The following PCM1 variants were observed in gnomAD, a reference collection of about 807,000 sequenced individuals.
PCM1 encodes pericentriolar material 1.
PCM1 carries 157 observed loss-of-function variants against 241.9 expected under a neutral mutation model. The observed-to-expected ratio is 0.65, with a 90% CI of 0.57 to 0.74. The LOEUF is 0.74. Among genes scored for constraint, PCM1 ranks in the 30% least tolerant of loss-of-function variants. PCM1 has a pLI of 0.00. For missense variants in PCM1, 3,478 were observed against 2,360.1 expected, an observed-to-expected ratio of 1.47 and a Z score of -9.81; for synonymous variants, 1,085 against 784.9, an observed-to-expected ratio of 1.38 and a Z score of -6.39.
intron 23 of PCM1, among the ~76,000 whole-genome samples, chr8:17,973,719 A>C (rs78936912): frequency 1.4e-5 from 2 of 138,840 alleles, no homozygotes; most frequent in Non-Finnish European, 3.1e-5. Context: ...CTCTGTCAGA[A>C]AAAAAAAAAA....
chr8:17,985,657 T>G, intron 25 of PCM1, 38 bp downstream of exon 25: 1 of 1,443,652 alleles, frequency 6.9e-7, no homozygotes, highest in Non-Finnish European at 9.6e-7. Context: ...TACCCTATTA[T>G]CACCTTCTTC....
At chr8:17,940,094 C>G (rs1250759222) in intron 6 of PCM1, 2 of 1,581,040 alleles carry the variant, frequency 1.3e-6, no homozygotes, top group Non-Finnish European at 1.7e-6. Flanking sequence ...GCTGTGGGAT[C>G]TGGTTCTGTA....
At chr8:17,929,049 T>C (rs2058122229) in intron 2 of PCM1, among the ~76,000 whole-genome samples, 1 of 152,192 alleles carries the variant, frequency 6.6e-6, no homozygotes, top group Non-Finnish European at 1.5e-5. Context: ...CTTAAAAATA[T>C]TAGCTAATGA....
In PCM1 at chr8:18,025,405, T is replaced by A. The variant is rs772037929; in HGVS notation, c.5886T>A (p.Asp1962Glu). 1.2e-6 allele frequency: 2 copies of A among 1,605,644 alleles called. No individual in the cohort carries two copies. Among genetic ancestry groups the A allele is most frequent in the Non-Finnish European group, 1.7e-6 (2 of 1,174,914 alleles). ...GNISQKSDEE[D>E]FVKVEDLPLK... ...TAAGTCAAAAGTCTGATGAAGAAGA[T>A]TTTGTAAAAGTTGAAGATTTACCAC... Residue 1962 changes from aspartate (D) to glutamate (E), a missense_variant, in exon 37 of 39, where the codon GAT (aspartate) becomes GAA (glutamate). Transcript: ENST00000325083.
chr8:17,996,727 C>T (rs981750578), intron 29 of PCM1, among the ~76,000 whole-genome samples: 10 of 152,148 alleles, frequency 6.6e-5, no homozygotes, highest in African/African-American at 2.2e-4. Context: ...ATTGCAAATA[C>T]TGTCTTATAA....
chr8:18,013,954 TC>T lies in PCM1; in HGVS notation c.5512-7del. On this transcript the variant is annotated splice_polypyrimidine_tract_variant and intron_variant, in intron 34 of 38. Transcript: ENST00000325083. ...TCAGGCCCTGCTATTAAAACATTTT[TC>T]CCTTCTAGGTCCTACAACGTGACTT... is the stretch of plus-strand genomic sequence containing the variant. 2 of 1,571,748 alleles carry T rather than the reference TC, an allele frequency of 1.3e-6. No homozygotes were observed. The highest frequency in any genetic ancestry group is 1.7e-6 in the Non-Finnish European group (2 of 1,151,778).
Position 17,957,604 on chromosome 8 carries a change from G to C in PCM1, c.1869G>C (p.Glu623Asp), listed in dbSNP as rs199550663. The C allele has an allele frequency of 1.7e-4, 270 of 1,574,828 alleles. 1 individual carries two copies. Among genetic ancestry groups the C allele is most frequent in the Non-Finnish European group, 2.2e-4 (259 of 1,158,956 alleles). ...TTGCACAAGGTGAAGATGATGAGGA[G>C]GAGGAGGAAGAAGCAGAAGAGGAGG... The part of the protein sequence containing the change: ...IHVAQGEDDE[E>D]EEEEAEEEGV... Residue 623 changes from glutamate (E) to aspartate (D), a missense_variant, in exon 13 of 39, where the codon GAG (glutamate) becomes GAC (aspartate). Transcript: ENST00000325083.
At chr8:17,926,329 G>C (rs182967743) in intron 2 of PCM1, 2 of 152,290 alleles carry the variant, frequency 1.3e-5, no homozygotes, top group East Asian at 1.9e-4. Flanking sequence ...GTAAGGCTGT[G>C]AGATTCACAG....
Position 17,972,461 on chromosome 8 carries a change from C to T in PCM1, c.3717C>T (p.Asn1239=). 1 of 1,613,552 alleles carries T rather than the reference C, an allele frequency of 6.2e-7. No homozygotes were observed. Residue 1239 remains asparagine (N), a synonymous_variant, in exon 23 of 39, where the codon AAC becomes AAT. Coordinates refer to ENST00000325083, the MANE Select transcript of PCM1 (RefSeq NM_006197.4). ...SVSVEKSTSS[N]RKNQLDTNGR... is the part of the protein sequence containing the mutation. ...CTGTAGAAAAATCTACAAGTAGTAA[C>T]CGCAAAAATCAATTAGATACAAACG... is the stretch of plus-strand genomic sequence containing the variant.
chr8:17,999,969 C>G (rs558548470), intron 29 of PCM1, among the ~76,000 whole-genome samples: 1 of 152,240 alleles, frequency 6.6e-6, no homozygotes, highest in East Asian at 1.9e-4. Flanking sequence ...AGTGGGAATA[C>G]ACTCTGAAAT....
Position 17,937,376 on chromosome 8 carries a change from T to C in PCM1, c.339T>C (p.Asp113=). 6.3e-7 allele frequency: 1 copy of C among 1,584,970 alleles called. No homozygotes were observed. The highest frequency in any genetic ancestry group is 8.6e-7 in the Non-Finnish European group (1 of 1,168,134). The change falls in exon 4 of 39, where the codon GAT becomes GAC. Residue 113 remains aspartate, a synonymous_variant. Transcript: ENST00000325083. ...AGCGGATAAACTTCAGTGATTTAGA[T>C]CAGGTTTGTGAATTATTTTTAAAAA... ...LKQRINFSDL[D]QRSIGSDSQG...
In PCM1 at chr8:17,952,841, C is replaced by T; in HGVS notation, c.1072-129C>T. Reference sequence around the variant, plus strand: ...AATTTGGGAATAGTAAGGGTATATACTTACCTACCAGCACAGCCTAGCAAA... The same window carrying T: ...AATTTGGGAATAGTAAGGGTATATATTTACCTACCAGCACAGCCTAGCAAA... On this transcript the variant is annotated intron_variant, in intron 8 of 38. Transcript: ENST00000325083. 4 of 623,590 alleles carry T rather than the reference C, an allele frequency of 6.4e-6. 1 individual carries two copies. In the South Asian group the frequency reaches 8.7e-5, roughly 14 times the overall value. 38.6% of individuals were successfully genotyped at this position (623,590 alleles called of 1,614,324 possible).
At chr8:17,941,200 T>G (rs894707700) in intron 6 of PCM1, among the ~76,000 whole-genome samples, 6 of 152,178 alleles carry the variant, frequency 3.9e-5, no homozygotes, top group Non-Finnish European at 7.3e-5. Flanking sequence ...AATTTCTTCC[T>G]TAGGTTCCAG....
chr8:17,982,934 GTCT>G lies in PCM1; in HGVS notation c.4108+2186_4108+2188del, dbSNP rs2081381753. Among the ~76,000 whole-genome samples the G allele has an allele frequency of 2.6e-5, 4 of 152,170 alleles. No homozygotes were observed. The South Asian group carries it at 6.2e-4, about 24-fold the overall frequency. On this transcript the variant is annotated intron_variant, in intron 24 of 38. Coordinates refer to ENST00000325083, the MANE Select transcript of PCM1 (RefSeq NM_006197.4). ...AGGACTGCTAGTATTAAATTACGCAGTCTTCTTCTCCCGTGGGTGTTGTGGGAG... is the reference window on the plus strand; with the variant it reads ...AGGACTGCTAGTATTAAATTACGCAGTCTTCTCCCGTGGGTGTTGTGGGAG...
At chr8:17,962,696 C>G (rs555974475) in intron 16 of PCM1, among the ~76,000 whole-genome samples, 32 of 152,058 alleles carry the variant, frequency 2.1e-4, no homozygotes, top group African/African-American at 7.2e-4. Flanking sequence ...GTCAGGTATT[C>G]AAGACCAGCC....
chr8:17,945,296 G>A (rs116989710), intron 6 of PCM1, among the ~76,000 whole-genome samples: 2,562 of 152,184 alleles, frequency 0.017, 40 homozygotes, highest in South Asian at 0.043. Context: ...CCTTATATAG[G>A]ATAGGAGAGA....
At chr8:18,015,172 A>ATTTTCAATAAACTTAAAGGTT (rs2093006535) in intron 36 of PCM1, among the ~76,000 whole-genome samples, 1 of 151,956 alleles carries the variant, frequency 6.6e-6, no homozygotes, top group Non-Finnish European at 1.5e-5. Context: ...TATATTGCAA[A>ATTTTCAATAAACTTAAAGGTT]TTTTCAATAA....
intron 16 of PCM1, 86 bp downstream of exon 16, chr8:17,962,260 A>G: frequency 8.9e-7 from 1 of 1,129,116 alleles, no homozygotes; most frequent in Non-Finnish European, 1.2e-6. Context: ...CAAGAAAGGA[A>G]ACTGAATATC....
chr8:18,014,141 T>G, intron 35 of PCM1, 105 bp downstream of exon 35: 2 of 690,276 alleles, frequency 2.9e-6, no homozygotes, highest in Non-Finnish European at 4.9e-6. Flanking sequence ...AATTCTTAGT[T>G]TGAAAGTACT....
Sources: allele counts gnomAD v4.1 joint callset (sites outside exome capture counted in the v4.1 genomes callset), GRCh38; gene constraint gnomAD v4.1.1; transcripts MANE v1.5; gene names NCBI Gene and HGNC (gene_info 2026-07-23, HGNC 2026-07-21).